PITPNA: variants seen among roughly 807,000 people sequenced by gnomAD.
The protein encoded by PITPNA is phosphatidylinositol transfer protein alpha isoform.
PITPNA carries 13 observed loss-of-function variants against 50.3 expected under a neutral mutation model. The ratio of observed to expected loss-of-function variants is 0.26; its 90% CI spans 0.17 to 0.41. The LOEUF (loss-of-function observed/expected upper bound fraction) is 0.41, where lower values mean the gene tolerates loss of function less well. Ranked by LOEUF, PITPNA falls within the 10% of genes least tolerant of loss-of-function variation. PITPNA has a pLI of 1.00. For missense variants in PITPNA, 207 were observed against 333.4 expected (o/e 0.62, Z 2.95); for synonymous variants, 120 against 119.6 (o/e 1.00, Z -0.02).
At chr17:1,553,232 C>T in intron 2 of PITPNA, 83 bp from the exon 3 acceptor site, 1 of 1,455,266 alleles carries the variant, frequency 6.9e-7, no homozygotes, top group Non-Finnish European at 9.5e-7. Flanking sequence ...AAGTGTCTAA[C>T]TGGATCTCCC....
intron 2 of PITPNA, among the ~76,000 whole-genome samples, chr17:1,557,824 G>A (rs2075743572): frequency 6.6e-6 from 1 of 152,216 alleles, no homozygotes; most frequent in Non-Finnish European, 1.5e-5. Flanking sequence ...TGGCTAGGGA[G>A]AGCCTCAAGA....
intron 1 of PITPNA, among the ~76,000 whole-genome samples, chr17:1,560,367 G>A (rs895226756): frequency 6.7e-6 from 1 of 148,858 alleles, no homozygotes; most frequent in Non-Finnish European, 1.5e-5. Context: ...GCAACGCTGC[G>A]GCCACAGCCA....
intron 8 of PITPNA, 25 bp downstream of exon 8, chr17:1,535,416 C>T: frequency 6.3e-7 from 1 of 1,591,272 alleles, no homozygotes; most frequent in Non-Finnish European, 8.6e-7. Context: ...GCCCAGCCCC[C>T]TGGCAGTGAA....
intron 10 of PITPNA, 96 bp from the exon 11 acceptor site, chr17:1,521,741 G>C: frequency 1.0e-6 from 1 of 994,050 alleles, no homozygotes; most frequent in Non-Finnish European, 1.6e-6. Flanking sequence ...GGCATATTTT[G>C]TGTAAAAAGC....
intron 2 of PITPNA, among the ~76,000 whole-genome samples, chr17:1,553,683 A>G (rs189947281): frequency 1.8e-4 from 28 of 152,296 alleles, no homozygotes; most frequent in African/African-American, 6.3e-4. Context: ...GGTTGCTAGA[A>G]ATCACTGGAT....
intron 4 of PITPNA, among the ~76,000 whole-genome samples, chr17:1,547,257 T>C (rs1287279659): frequency 6.6e-6 from 1 of 151,348 alleles, no homozygotes; most frequent in African/African-American, 2.4e-5. Context: ...TCCCAGGTAT[T>C]TGGGAGGCTG....
In PITPNA at chr17:1,552,891, T is replaced by C. The variant is rs1598413003; in HGVS notation, c.197+113A>G. On this transcript the variant is annotated intron_variant, in intron 3 of 11. Coordinates refer to ENST00000313486, the MANE Select transcript of PITPNA (RefSeq NM_006224.4). ...ATACAGTCAGTATATAACTATTAAT[T>C]GTTAGGATATAACAATTAGTATAAT... 2.9e-6 allele frequency: 3 copies of C among 1,039,178 alleles called. No individual in the cohort carries two copies. The East Asian group carries it at 7.2e-5, about 25-fold the overall frequency. The allele number at this position is 1,039,178 out of a possible 1,614,324, so 64.4% of individuals were successfully genotyped here.
chr17:1,558,693 A>G, intron 1 of PITPNA, 134 bp from the exon 2 acceptor site: 2 of 665,476 alleles, frequency 3.0e-6, no homozygotes, highest in Non-Finnish European at 5.5e-6. Context: ...AACCCCACAG[A>G]GAATGGCCCT....
chr17:1,541,895 C>T, intron 5 of PITPNA: 1 of 576,278 alleles, frequency 1.7e-6, no homozygotes, highest in South Asian at 1.5e-5. Context: ...GGTTAGGTGA[C>T]TTAACCAAAG....
intron 4 of PITPNA, among the ~76,000 whole-genome samples, chr17:1,546,448 T>G (rs1281836768): frequency 1.1e-4 from 16 of 152,160 alleles, no homozygotes; most frequent in African/African-American, 3.6e-4. Flanking sequence ...GTATTCTGGA[T>G]TGCAGTCATT....
chr17:1,546,623 G>A (rs2075675920), intron 4 of PITPNA, among the ~76,000 whole-genome samples: 1 of 152,132 alleles, frequency 6.6e-6, no homozygotes, highest in Non-Finnish European at 1.5e-5. Context: ...CCCACACATG[G>A]AGGCTGGTGG....
At chr17:1,554,113 T>C (rs1357073846) in intron 2 of PITPNA, among the ~76,000 whole-genome samples, 1 of 152,232 alleles carries the variant, frequency 6.6e-6, no homozygotes, top group Non-Finnish European at 1.5e-5. Context: ...GACTTAGCCC[T>C]TCCGCCTTCT....
At chr17:1,528,978 A>G (rs554167905) in intron 10 of PITPNA, among the ~76,000 whole-genome samples, 2 of 151,410 alleles carry the variant, frequency 1.3e-5, no homozygotes, top group African/African-American at 4.8e-5. Flanking sequence ...TCTCTACTAA[A>G]AATACAAAAA....
intron 10 of PITPNA, among the ~76,000 whole-genome samples, chr17:1,528,163 C>T (rs2075559133): frequency 6.6e-6 from 1 of 152,196 alleles, no homozygotes; most frequent in Admixed American, 6.5e-5. Context: ...GTGTGAGACC[C>T]TGTCTTGTTC....
At chr17:1,534,312 C>G in intron 9 of PITPNA, 91 bp from the exon 10 acceptor site, 1 of 1,518,992 alleles carries the variant, frequency 6.6e-7, no homozygotes, top group Non-Finnish European at 9.1e-7. Context: ...AATACCCACA[C>G]TAGACTGGGG....
chr17:1,541,851 G>A lies in PITPNA; in HGVS notation c.298-211C>T, dbSNP rs574169812. On this transcript the variant is annotated intron_variant, in intron 5 of 11. Coordinates refer to ENST00000313486, the MANE Select transcript of PITPNA (RefSeq NM_006224.4). Reference sequence around the variant, plus strand: ...CTCACCCCAGCCTGAGAGCTCTGTAGAATCACCCTCATTTTACAGATGAGG... The same window carrying A: ...CTCACCCCAGCCTGAGAGCTCTGTAAAATCACCCTCATTTTACAGATGAGG... The A allele has an allele frequency of 2.0e-4, 132 of 662,206 alleles. 4 individuals carry two copies. The highest frequency in any genetic ancestry group is 2.0e-3 in the South Asian group (132 of 66,222). 41.0% of individuals were successfully genotyped at this position (662,206 alleles called of 1,614,324 possible). A position where few individuals can be genotyped will look rare whatever the true frequency, so the allele number is the denominator to read the frequency against.
At chr17:1,539,997 G>A (rs1198999793) in intron 6 of PITPNA, among the ~76,000 whole-genome samples, 1 of 152,150 alleles carries the variant, frequency 6.6e-6, no homozygotes, top group Non-Finnish European at 1.5e-5. Flanking sequence ...TTGGCCTCCC[G>A]CCCAGCCCCC....
chr17:1,554,390 ATTT>A (rs61238602), intron 2 of PITPNA, among the ~76,000 whole-genome samples: 28 of 66,096 alleles, frequency 4.2e-4, no homozygotes, highest in South Asian at 1.5e-3. Context: ...GTGTTTCTCT[ATTT>A]TTTTTTTTTT....
chr17:1,559,678 G>T, intron 1 of PITPNA: 2 of 712,804 alleles, frequency 2.8e-6, no homozygotes, highest in Non-Finnish European at 3.4e-6. Context: ...CTCCAGGCTA[G>T]TAAACAGCTA....
Sources: gnomAD v4.1 joint callset for allele counts (sites outside exome capture counted in the v4.1 genomes callset) on GRCh38, gnomAD v4.1.1 for gene constraint, MANE v1.5 for transcripts, NCBI Gene and HGNC (gene_info 2026-07-23, HGNC 2026-07-21) for gene names.